Variants in RPF2 observed in about 807,000 individuals in gnomAD.
RPF2 encodes ribosome production factor 2 homolog.
A neutral mutation model predicts 38.9 loss-of-function variants in RPF2; 21 were observed. The ratio of observed to expected loss-of-function variants is 0.54; its 90% CI spans 0.38 to 0.78. The LOEUF is 0.78. RPF2 is among the 30% of genes least tolerant of loss of function. The pLI, the probability that RPF2 is intolerant of heterozygous loss-of-function variation, is 0.00. For synonymous variants in RPF2, 121 were observed against 126.2 expected (o/e 0.96, Z 0.28); for missense variants, 314 against 358.1 (o/e 0.88, Z 0.99).
intron 9 of RPF2, 106 bp downstream of exon 9, chr6:111,024,433 GC>G: frequency 8.7e-7 from 1 of 1,143,894 alleles, no homozygotes; most frequent in Non-Finnish European, 1.2e-6. Context: ...ACAAGGACAG[GC>G]CAGGCGCGGT....
In RPF2 at chr6:111,007,313, C is replaced by T. The variant is rs375243481; in HGVS notation, c.394-725C>T. Among the ~76,000 whole-genome samples, 23 of 152,208 alleles carry T rather than the reference C, an allele frequency of 1.5e-4. 1 individual carries two copies. Among genetic ancestry groups the T allele is most frequent in the Admixed American group, 5.2e-4 (8 of 15,294 alleles). ...GAGTAACTTTTAATTTTATTCTTTG[C>T]GTAGACTAATGTTAAAAAAGCCCTT... On this transcript the variant is annotated intron_variant, in intron 6 of 9. Coordinates refer to ENST00000441448, the MANE Select transcript of RPF2 (RefSeq NM_032194.3).
intron 3 of RPF2, among the ~76,000 whole-genome samples, chr6:110,990,785 C>T (rs1771607739): frequency 6.6e-6 from 1 of 152,098 alleles, no homozygotes. Flanking sequence ...GTTGGCCAGG[C>T]TGGTCTCAGA....
chr6:110,998,944 CAA>C (rs34900246), intron 5 of RPF2, among the ~76,000 whole-genome samples: 2,018 of 86,118 alleles, frequency 0.023, 23 homozygotes, highest in Middle Eastern at 0.077. Flanking sequence ...GTCTTCATCT[CAA>C]AAAAAAAAAA....
At position 110,997,229 on chromosome 6, in the gene RPF2, C is replaced by G; in HGVS notation, c.281C>G (p.Ser94Cys). 6.2e-7 allele frequency: 1 copy of G among 1,603,142 alleles called. No individual in the cohort carries two copies. The highest frequency in any genetic ancestry group is 1.1e-5 in the South Asian group (1 of 90,542). ...GATTGTTCTTTATTCATGTTTGGCT[C>G]CCATAATAAGAAGCGGCCAAATAAT... ...KSDCSLFMFG[S>C]HNKKRPNNLV... The change falls in exon 5 of 10, where the codon TCC (serine) becomes TGC (cysteine). Residue 94 changes from serine (S) to cysteine (C), a missense_variant. Physicochemically the swap from Ser to Cys is moderately radical, Grantham distance 112. Transcript: ENST00000441448.
At chr6:111,016,687 CTT>C (rs34370879) in intron 8 of RPF2, among the ~76,000 whole-genome samples, 3 of 95,368 alleles carry the variant, frequency 3.1e-5, no homozygotes, top group Admixed American at 1.0e-4. Context: ...TTTTTTCTTT[CTT>C]TTTTTTTTTT....
intron 2 of RPF2, among the ~76,000 whole-genome samples, chr6:110,985,345 TG>T (rs1461326766): frequency 1.3e-5 from 2 of 152,214 alleles, no homozygotes; most frequent in East Asian, 3.8e-4. Context: ...ATTTTATTAT[TG>T]TTTTTTAGGA....
chr6:110,995,260 A>G (rs1771692115), intron 4 of RPF2, among the ~76,000 whole-genome samples: 1 of 152,206 alleles, frequency 6.6e-6, no homozygotes, highest in Admixed American at 6.5e-5. Flanking sequence ...AACTTTGTAC[A>G]AGGTGTGTTC....
intron 2 of RPF2, among the ~76,000 whole-genome samples, chr6:110,987,215 C>G (rs1377510346): frequency 6.6e-6 from 1 of 151,944 alleles, no homozygotes; most frequent in Non-Finnish European, 1.5e-5. Flanking sequence ...AGCCACCACA[C>G]CCAGCTAATT....
chr6:110,983,469 T>G (rs1445482545), intron 1 of RPF2, among the ~76,000 whole-genome samples: 1 of 152,124 alleles, frequency 6.6e-6, no homozygotes, highest in African/African-American at 2.4e-5. Flanking sequence ...TACCTCAGCC[T>G]GCTGAGTAGC....
chr6:111,001,337 A>G (rs1771808056), intron 6 of RPF2, among the ~76,000 whole-genome samples: 1 of 152,044 alleles, frequency 6.6e-6, no homozygotes, highest in South Asian at 2.1e-4. Flanking sequence ...ATAAACTGTG[A>G]TGCTTGATTA....
At chr6:110,995,796 C>T (rs568695291) in intron 4 of RPF2, among the ~76,000 whole-genome samples, 1 of 152,064 alleles carries the variant, frequency 6.6e-6, no homozygotes, top group South Asian at 2.1e-4. Context: ...TTCTGAGAAC[C>T]AAATGGATAA....
At chr6:111,001,093 G>C (rs1399934273) in intron 6 of RPF2, among the ~76,000 whole-genome samples, 1 of 152,132 alleles carries the variant, frequency 6.6e-6, no homozygotes, top group Non-Finnish European at 1.5e-5. Flanking sequence ...AGTCACCCCA[G>C]TTTCCTCAGG....
intron 7 of RPF2, 69 bp from the exon 8 acceptor site, chr6:111,015,685 G>A: frequency 1.9e-6 from 2 of 1,038,974 alleles, no homozygotes; most frequent in East Asian, 2.4e-5. Context: ...TGTTTAGAGT[G>A]CAGTTCTTTG....
intron 7 of RPF2, 30 bp from the exon 8 acceptor site, chr6:111,015,724 T>C (rs769487414): frequency 6.9e-7 from 1 of 1,450,154 alleles, no homozygotes; most frequent in Non-Finnish European, 9.7e-7. Context: ...ATTTGTTTTG[T>C]TTTGTTAATA....
At position 111,027,352 on chromosome 6, in the gene RPF2, A is replaced by G. The variant is rs574976303; in HGVS notation, c.*1770A>G. On this transcript the variant is annotated 3_prime_UTR_variant, in exon 10 of 10. Transcript: ENST00000441448. ...ATACAGTCTCGTACCTGAATCAGAC[A>G]TTTGCACTTTATATCTAAATGAGAA... The G allele has an allele frequency of 1.3e-5, 2 of 152,314 alleles. No homozygotes were observed. The highest frequency in any genetic ancestry group is 4.1e-4 in the South Asian group (2 of 4,820). The allele number at this position is 152,314 out of a possible 1,614,324, so 9.4% of individuals were successfully genotyped here.
chr6:111,000,051 T>TTTC (rs1452225051), intron 6 of RPF2, among the ~76,000 whole-genome samples: 119 of 152,034 alleles, frequency 7.8e-4, no homozygotes, highest in African/African-American at 2.7e-3. Context: ...CCATAGTTTT[T>TTTC]TTATTTTTTG....
chr6:110,984,146 T>C (rs1219372581), intron 1 of RPF2, among the ~76,000 whole-genome samples: 1 of 152,220 alleles, frequency 6.6e-6, no homozygotes, highest in Non-Finnish European at 1.5e-5. Context: ...TTGTTGGCAA[T>C]AATACTGGCA....
chr6:110,994,124 A>G lies in RPF2; in HGVS notation c.234+2338A>G, dbSNP rs866817567. Among the ~76,000 whole-genome samples, 11 of 152,234 alleles carry G rather than the reference A, an allele frequency of 7.2e-5. 1 individual carries two copies. In the Middle Eastern group the frequency reaches 0.027, roughly 377 times the overall value. On this transcript the variant is annotated intron_variant, in intron 4 of 9. Transcript: ENST00000441448. ...AAACCCTGTCTCTATTAAAAATACA[A>G]AATTAGCCAGGCGTGGTGGCACATG... is the stretch of plus-strand genomic sequence containing the variant.
intron 3 of RPF2, among the ~76,000 whole-genome samples, chr6:110,989,380 G>A (rs991584738): frequency 1.3e-5 from 2 of 152,138 alleles, no homozygotes; most frequent in Admixed American, 6.6e-5. Flanking sequence ...GTAATGCAAT[G>A]ATCAAAACTA....
Sources: gnomAD v4.1 joint callset for allele counts (sites outside exome capture counted in the v4.1 genomes callset) on GRCh38, gnomAD v4.1.1 for gene constraint, MANE v1.5 for transcripts, NCBI Gene and HGNC (gene_info 2026-07-23, HGNC 2026-07-21) for gene names.